Variants in NCEH1 observed in about 807,000 individuals in gnomAD.
NCEH1 encodes 2-acetyl MAGE hydrolase.
In NCEH1, 9 loss-of-function variants were observed where a neutral mutation model predicts 25.4. That is an observed-to-expected ratio of 0.35 (90% confidence interval 0.21 to 0.62). The LOEUF is 0.62. Among genes scored for constraint, NCEH1 ranks in the 20% least tolerant of loss-of-function variants. The pLI is 0.72. For synonymous variants in NCEH1, 200 were observed against 199.8 expected (o/e 1.00, Z -0.01); for missense variants, 412 against 501.1 (o/e 0.82, Z 1.70).
At chr3:172,654,317 T>C (rs1310980763) in intron 1 of NCEH1, among the ~76,000 whole-genome samples, 1 of 152,148 alleles carries the variant, frequency 6.6e-6, no homozygotes, top group African/African-American at 2.4e-5. Flanking sequence ...ACACATGACC[T>C]CAAAAGATTG....
chr3:172,674,329 G>C (rs573408908), intron 1 of NCEH1, among the ~76,000 whole-genome samples: 1 of 151,816 alleles, frequency 6.6e-6, no homozygotes, highest in African/African-American at 2.4e-5. Flanking sequence ...CGTAATCCCA[G>C]CTACTCAGGA....
chr3:172,692,029 T>C (rs546217864), intron 1 of NCEH1, among the ~76,000 whole-genome samples: 1 of 150,212 alleles, frequency 6.7e-6, no homozygotes, highest in South Asian at 2.1e-4. Context: ...GAAACCAGAC[T>C]GGGTAGTCAA....
chr3:172,678,694 T>G (rs1157231349), intron 1 of NCEH1, among the ~76,000 whole-genome samples: 1 of 152,120 alleles, frequency 6.6e-6, no homozygotes, highest in Non-Finnish European at 1.5e-5. Flanking sequence ...TTTAAAAAAT[T>G]TTTTAAACTA....
intron 3 of NCEH1, among the ~76,000 whole-genome samples, chr3:172,644,327 G>T (rs899432652): frequency 6.6e-5 from 10 of 152,186 alleles, no homozygotes; most frequent in African/African-American, 2.2e-4. Flanking sequence ...CCTTTCAAGA[G>T]ACTGCAGAAG....
In NCEH1 at chr3:172,636,078, TA is replaced by T; in HGVS notation, c.446del (p.Leu149GlnfsTer22). Reference protein sequence around the residue: ...NAVIVSIEYRLVPKVYFPEQI... With the variant: ...NAVIVSIEYRXVPKVYFPEQI... ...GCTCAGGAAAATAAACCTTTGGAAC[TA>T]GCCTGTATCTGTAAAAACAAAAGTT... On this transcript the variant is annotated frameshift_variant, in exon 4 of 5. Coordinates refer to ENST00000475381, the MANE Select transcript of NCEH1 (RefSeq NM_020792.6). LOFTEE classifies it high-confidence loss of function. 1 of 1,612,892 alleles carries T rather than the reference TA, an allele frequency of 6.2e-7. No individual in the cohort carries two copies. Among genetic ancestry groups the T allele is most frequent in the Non-Finnish European group, 8.5e-7 (1 of 1,179,146 alleles).
intron 1 of NCEH1, among the ~76,000 whole-genome samples, chr3:172,666,823 A>C (rs1454439619): frequency 6.6e-6 from 1 of 152,076 alleles, no homozygotes; most frequent in Non-Finnish European, 1.5e-5. Context: ...ATGTGTGGGA[A>C]TTTTTACAGC....
At chr3:172,649,998 T>C (rs553937879) in intron 1 of NCEH1, among the ~76,000 whole-genome samples, 8 of 152,268 alleles carry the variant, frequency 5.3e-5, no homozygotes, top group Admixed American at 2.0e-4. Context: ...ATGAGAAGAC[T>C]GTACATTTTA....
intron 1 of NCEH1, among the ~76,000 whole-genome samples, chr3:172,694,618 G>C (rs1375855504): frequency 1.3e-5 from 2 of 152,194 alleles, no homozygotes; most frequent in Non-Finnish European, 2.9e-5. Context: ...TTGAGACTTT[G>C]AATGGAAAGG....
chr3:172,642,851 C>T (rs1716923765), intron 3 of NCEH1, among the ~76,000 whole-genome samples: 1 of 152,160 alleles, frequency 6.6e-6, no homozygotes, highest in Admixed American at 6.5e-5. Flanking sequence ...ACACTCCAAG[C>T]CTTGTACTGG....
intron 1 of NCEH1, among the ~76,000 whole-genome samples, chr3:172,655,549 C>G (rs1560187562): frequency 6.6e-6 from 1 of 152,208 alleles, no homozygotes. Context: ...ACAGATGTTT[C>G]TGGTCACAGG....
At chr3:172,684,547 C>G (rs1712593825) in intron 1 of NCEH1, among the ~76,000 whole-genome samples, 1 of 152,168 alleles carries the variant, frequency 6.6e-6, no homozygotes, top group Non-Finnish European at 1.5e-5. Flanking sequence ...CAGTTAATAA[C>G]TATGTCTGAT....
chr3:172,671,506 TACACAC>T (rs537504265), intron 1 of NCEH1, among the ~76,000 whole-genome samples: 14 of 143,248 alleles, frequency 9.8e-5, no homozygotes, highest in South Asian at 2.2e-4. Flanking sequence ...CACATACACA[TACACAC>T]ACACACACAC....
At chr3:172,657,845 C>T (rs192613611) in intron 1 of NCEH1, among the ~76,000 whole-genome samples, 61 of 152,322 alleles carry the variant, frequency 4.0e-4, no homozygotes, top group African/African-American at 1.4e-3. Context: ...CTGCCATTCT[C>T]TTTGGCAATG....
intron 1 of NCEH1, among the ~76,000 whole-genome samples, chr3:172,649,748 C>T (rs1577059489): frequency 6.6e-6 from 1 of 152,174 alleles, no homozygotes; most frequent in Admixed American, 6.5e-5. Context: ...CTTGTTAACA[C>T]CATTATCAAT....
intron 1 of NCEH1, among the ~76,000 whole-genome samples, chr3:172,676,256 T>C (rs892800567): frequency 6.6e-6 from 1 of 152,160 alleles, no homozygotes; most frequent in African/African-American, 2.4e-5. Flanking sequence ...ATTTCTTTTC[T>C]AACAGAAAAA....
rs757747269 is a variant in NCEH1 at position 172,667,403 on chromosome 3, T to C, written c.139-19289A>G. Among the ~76,000 whole-genome samples, 3 of 152,308 alleles carry C rather than the reference T, an allele frequency of 2.0e-5. No homozygotes were observed. The South Asian group carries it at 6.2e-4, about 32-fold the overall frequency. On this transcript the variant is annotated intron_variant, in intron 1 of 4. Coordinates refer to ENST00000475381, the MANE Select transcript of NCEH1 (RefSeq NM_020792.6). ...AGCCTTGCTCAAAGACGACACAGTC[T>C]CTCTGGAGATACGTTTTTTGGGGAG... is the stretch of plus-strand genomic sequence containing the variant.
At position 172,657,490 on chromosome 3, in the gene NCEH1, C is replaced by T. The variant is rs146045530; in HGVS notation, c.139-9376G>A. On this transcript the variant is annotated intron_variant, in intron 1 of 4. Coordinates refer to ENST00000475381, the MANE Select transcript of NCEH1 (RefSeq NM_020792.6). The stretch of plus-strand genomic sequence containing the variant: ...CATCAAACCCTATTAACTCCACCTG[C>T]CAACGTTTTCTGACCAAGTTCTACC... Among the ~76,000 whole-genome samples the T allele has an allele frequency of 2.0e-5, 3 of 152,288 alleles. No homozygotes were observed. The East Asian group carries it at 5.8e-4, about 29-fold the overall frequency.
intron 1 of NCEH1, among the ~76,000 whole-genome samples, chr3:172,709,014 T>C (rs1714158795): frequency 6.6e-6 from 1 of 152,220 alleles, no homozygotes. Context: ...GCCATTTTTC[T>C]GCAAATCCAC....
intron 1 of NCEH1, among the ~76,000 whole-genome samples, chr3:172,677,539 AG>A (rs983500691): frequency 1.3e-5 from 2 of 151,974 alleles, no homozygotes; most frequent in Admixed American, 6.6e-5. Flanking sequence ...GACTTGTGAT[AG>A]GAACAGCAGG....
Sources: gnomAD v4.1 joint callset for allele counts (sites outside exome capture counted in the v4.1 genomes callset) on GRCh38, gnomAD v4.1.1 for gene constraint, MANE v1.5 for transcripts, NCBI Gene and HGNC (gene_info 2026-07-23, HGNC 2026-07-21) for gene names.